Variants in GRIK2 observed in about 807,000 individuals in gnomAD.
GRIK2 encodes the protein glutamate receptor ionotropic, kainate 2.
A neutral mutation model predicts 100.3 loss-of-function variants in GRIK2; 32 were observed. The observed-to-expected ratio is 0.32, with a 90% confidence interval of 0.24 to 0.43. GRIK2 has a LOEUF of 0.43. GRIK2 is among the 20% of genes least tolerant of loss of function. The probability of loss-of-function intolerance (pLI) is 1.00; values close to 1 mark genes in which losing one functional copy is unlikely to be tolerated. For synonymous variants in GRIK2, 417 were observed against 389.4 expected, an observed-to-expected ratio of 1.07 and a Z score of -0.83; for missense variants, 843 against 1,114.9, an observed-to-expected ratio of 0.76 and a Z score of 3.47.
chr6:101,957,278 G>A (rs1370475587), intron 14 of GRIK2, among the ~76,000 whole-genome samples: 2 of 150,150 alleles, frequency 1.3e-5, no homozygotes, highest in Non-Finnish European at 3.0e-5. Context: ...TGTTTTTTTG[G>A]CTGCTTGTAT....
At chr6:102,053,935 A>T (rs1292394393) in intron 15 of GRIK2, among the ~76,000 whole-genome samples, 1 of 152,206 alleles carries the variant, frequency 6.6e-6, no homozygotes, top group Non-Finnish European at 1.5e-5. Flanking sequence ...GGCAGAATTT[A>T]CACTGCACCT....
intron 11 of GRIK2, 31 bp from the exon 12 acceptor site, chr6:101,889,605 CTTTT>C (rs2243354): frequency 1.3e-4 from 91 of 711,950 alleles, no homozygotes; most frequent in Middle Eastern, 2.9e-4. Flanking sequence ...TTCTTTCTTT[CTTTT>C]TTTTTTTTTT....
At chr6:101,906,052 T>C in intron 12 of GRIK2, among the ~76,000 whole-genome samples, 1 of 151,698 alleles carries the variant, frequency 6.6e-6, no homozygotes, top group Non-Finnish European at 1.5e-5. Flanking sequence ...TTTAGATATT[T>C]TATTGTATAA....
At chr6:101,893,080 A>G (rs1031266911) in intron 12 of GRIK2, among the ~76,000 whole-genome samples, 1 of 151,276 alleles carries the variant, frequency 6.6e-6, no homozygotes, top group East Asian at 1.9e-4. Flanking sequence ...TGTAATTTAA[A>G]TGGAATCACT....
intron 6 of GRIK2, among the ~76,000 whole-genome samples, chr6:101,683,211 A>G (rs9485532): frequency 0.62 from 94,085 of 151,634 alleles, 31,088 homozygotes; most frequent in Non-Finnish European, 0.75. Flanking sequence ...GAAAAAAAAA[A>G]AAAGAAAAGA....
intron 16 of GRIK2, among the ~76,000 whole-genome samples, chr6:102,066,341 T>G (rs1772015438): frequency 6.6e-6 from 1 of 151,592 alleles, no homozygotes; most frequent in Non-Finnish European, 1.5e-5. Context: ...AGAGCTTATG[T>G]GTGTACAAGC....
chr6:101,953,302 A>G (rs1039399409), intron 14 of GRIK2, among the ~76,000 whole-genome samples: 1 of 152,196 alleles, frequency 6.6e-6, no homozygotes, highest in East Asian at 1.9e-4. Flanking sequence ...TCATGGGTCA[A>G]GTGGTAAATA....
intron 2 of GRIK2, among the ~76,000 whole-genome samples, chr6:101,508,762 T>G (rs916953855): frequency 6.6e-6 from 1 of 152,188 alleles, no homozygotes; most frequent in African/African-American, 2.4e-5. Flanking sequence ...GTGTCATATT[T>G]TAGAGAAACT....
At chr6:101,612,138 T>C (rs141762016) in intron 2 of GRIK2, among the ~76,000 whole-genome samples, 1 of 151,934 alleles carries the variant, frequency 6.6e-6, no homozygotes, top group East Asian at 1.9e-4. Flanking sequence ...TTGCCAACTG[T>C]GTAACTGACC....
chr6:101,788,649 T>G (rs1453490687), intron 7 of GRIK2, among the ~76,000 whole-genome samples: 1 of 152,324 alleles, frequency 6.6e-6, no homozygotes, highest in East Asian at 1.9e-4. Context: ...TTTGCTATTG[T>G]GAATAGTGCT....
At chr6:101,417,111 A>G (rs56071505) in intron 2 of GRIK2, among the ~76,000 whole-genome samples, 7,547 of 152,258 alleles carry the variant, frequency 0.05, 638 homozygotes, top group African/African-American at 0.17. Context: ...AAGGAGGAGC[A>G]AAGCTACTGG....
chr6:101,498,227 A>C (rs1773555169), intron 2 of GRIK2, among the ~76,000 whole-genome samples: 1 of 150,910 alleles, frequency 6.6e-6, no homozygotes, highest in Non-Finnish European at 1.5e-5. Flanking sequence ...ATAGTATTCC[A>C]TGGTGTATAT....
chr6:101,619,782 G>T (rs886939591), intron 2 of GRIK2, among the ~76,000 whole-genome samples: 16 of 152,028 alleles, frequency 1.1e-4, no homozygotes, highest in African/African-American at 3.9e-4. Flanking sequence ...ATTTTAGGAA[G>T]TTTTGTATAT....
intron 2 of GRIK2, among the ~76,000 whole-genome samples, chr6:101,592,858 T>C (rs1778739026): frequency 6.6e-6 from 1 of 151,408 alleles, no homozygotes; most frequent in Non-Finnish European, 1.5e-5. Flanking sequence ...GAAATGAAAA[T>C]ATAAGTAACA....
chr6:101,554,423 A>G (rs188312556), intron 2 of GRIK2, among the ~76,000 whole-genome samples: 1 of 152,280 alleles, frequency 6.6e-6, no homozygotes, highest in East Asian at 1.9e-4. Context: ...TACAAATGCT[A>G]ATTTGTTGCT....
intron 12 of GRIK2, among the ~76,000 whole-genome samples, chr6:101,918,606 C>T (rs1034257144): frequency 2.0e-5 from 3 of 151,734 alleles, no homozygotes; most frequent in African/African-American, 7.2e-5. Context: ...TATTATCTCT[C>T]ATGCTGAGTT....
intron 7 of GRIK2, among the ~76,000 whole-genome samples, chr6:101,793,916 G>C (rs1258119200): frequency 6.6e-6 from 1 of 152,164 alleles, no homozygotes; most frequent in South Asian, 2.1e-4. Context: ...GGGCAATGGT[G>C]GGCGCCCCTC....
chr6:101,483,125 A>T lies in GRIK2; in HGVS notation c.115+83733A>T, dbSNP rs544200603. 8.6e-4 allele frequency among the ~76,000 whole-genome samples: 131 copies of T among 152,268 alleles called. 1 individual carries two copies. Among genetic ancestry groups the T allele is most frequent in the African/African-American group, 3.1e-3 (130 of 41,560 alleles). The stretch of plus-strand genomic sequence containing the variant: ...TGGCAGTCTTACTTTTTTTTAAATC[A>T]GATATCTTTCTAAAGCAGTGGTCGC... On this transcript the variant is annotated intron_variant, in intron 2 of 16. Transcript: ENST00000369134.
intron 2 of GRIK2, among the ~76,000 whole-genome samples, chr6:101,408,533 T>A (rs1322795534): frequency 6.6e-6 from 1 of 152,190 alleles, no homozygotes. Flanking sequence ...ACCAGCAGAC[T>A]TGAGGTCCAG....
Sources: allele counts gnomAD v4.1 joint callset (sites outside exome capture counted in the v4.1 genomes callset), GRCh38; gene constraint gnomAD v4.1.1; transcripts MANE v1.5; gene names NCBI Gene and HGNC (gene_info 2026-07-23, HGNC 2026-07-21).